The following ZEB2 variants were observed in gnomAD, a reference collection of about 807,000 sequenced individuals.
ZEB2 encodes the protein zinc finger E-box binding homeobox 2.
In ZEB2, 6 loss-of-function variants were observed where a neutral mutation model predicts 99.9. That is an observed-to-expected ratio of 0.06 (90% CI 0.03 to 0.12). The LOEUF (loss-of-function observed/expected upper bound fraction) is 0.12. Ranked by LOEUF, ZEB2 falls within the 10% of genes least tolerant of loss-of-function variation. The pLI, the probability that ZEB2 is intolerant of heterozygous loss-of-function variation, is 1.00. For synonymous variants in ZEB2, 517 were observed against 542.5 expected, an observed-to-expected ratio of 0.95 and a Z score of 0.65; for missense variants, 969 against 1,502.8, an observed-to-expected ratio of 0.64 and a Z score of 5.87.
chr2:144,433,214 A>T (rs1703796393), intron 2 of ZEB2, among the ~76,000 whole-genome samples: 1 of 152,198 alleles, frequency 6.6e-6, no homozygotes, highest in Non-Finnish European at 1.5e-5. Flanking sequence ...TCTGTCTCTG[A>T]GGCATAGCAA....
chr2:144,512,285 C>T (rs1705052702), intron 2 of ZEB2: 10 of 1,287,224 alleles, frequency 7.8e-6, no homozygotes, highest in Non-Finnish European at 1.0e-5. Flanking sequence ...GAAGAAAATG[C>T]ACCTTAAAAG....
chr2:144,424,755 C>G, intron 4 of ZEB2, 41 bp downstream of exon 4: 1 of 1,611,834 alleles, frequency 6.2e-7, no homozygotes, highest in African/African-American at 1.3e-5. Context: ...ACCCACATGA[C>G]ACAGGACAAA....
intron 2 of ZEB2, among the ~76,000 whole-genome samples, chr2:144,452,006 G>C (rs1407374413): frequency 1.3e-5 from 2 of 152,112 alleles, no homozygotes; most frequent in African/African-American, 4.8e-5. Flanking sequence ...AGATGAGGAA[G>C]TTATGAAGAC....
rs373010618 is a variant in ZEB2 at position 144,501,580 on chromosome 2, T to A, written c.73+15698A>T. Among the ~76,000 whole-genome samples the A allele has an allele frequency of 3.3e-5, 5 of 152,312 alleles. No individual in the cohort carries two copies. The East Asian group carries it at 5.8e-4, about 18-fold the overall frequency. On this transcript the variant is annotated intron_variant, in intron 2 of 9. Transcript: ENST00000627532. ...AGAGTAATTTAAAGATAGAATGTTA[T>A]AAGCTGACAGGACAAAGCAGTTAAT...
intron 2 of ZEB2, among the ~76,000 whole-genome samples, chr2:144,444,080 T>C (rs919230109): frequency 6.6e-6 from 1 of 152,206 alleles, no homozygotes; most frequent in African/African-American, 2.4e-5. Flanking sequence ...TTTGGTAGCT[T>C]CATCCAAACT....
rs1703119069 is a variant in ZEB2, at chr2:144,389,032, A to G, written c.*419T>C. 2.4e-6 allele frequency: 1 copy of G among 408,202 alleles called. No homozygotes were observed. The highest frequency in any genetic ancestry group is 2.1e-5 in the African/African-American group (1 of 48,548). 25.3% of individuals were successfully genotyped at this position (408,202 alleles called of 1,614,324 possible). Reference sequence around the variant, plus strand: ...GTGCGAGCACATTAAATTAAAAAGGAATAACAATAATAATAATAAAAATAC... The same window carrying G: ...GTGCGAGCACATTAAATTAAAAAGGGATAACAATAATAATAATAAAAATAC... On this transcript the variant is annotated 3_prime_UTR_variant, in exon 10 of 10. Coordinates refer to ENST00000627532, the MANE Select transcript of ZEB2 (RefSeq NM_014795.4). This position sits in a 1 kb window ranked among gnomAD's most constrained non-coding sequence, Gnocchi z 6.8.
At chr2:144,459,944 A>G (rs1044736067) in intron 2 of ZEB2, among the ~76,000 whole-genome samples, 4 of 152,186 alleles carry the variant, frequency 2.6e-5, no homozygotes, top group African/African-American at 9.6e-5. Context: ...CATCATAGGC[A>G]TGCAACATAC....
chr2:144,428,120 A>G (rs568381346), intron 3 of ZEB2: 13 of 152,330 alleles, frequency 8.5e-5, no homozygotes, highest in African/African-American at 3.1e-4. Context: ...CTAAGGGTGG[A>G]AATTCTAGTA....
At chr2:144,464,573 TA>T (rs1026778032) in intron 2 of ZEB2, among the ~76,000 whole-genome samples, 2 of 152,180 alleles carry the variant, frequency 1.3e-5, no homozygotes, top group African/African-American at 4.8e-5. Flanking sequence ...TGGTTTTTTT[TA>T]ATTTGTTTTA....
chr2:144,478,353 T>G (rs1341260806), intron 2 of ZEB2, among the ~76,000 whole-genome samples: 17 of 152,222 alleles, frequency 1.1e-4, no homozygotes, highest in African/African-American at 4.1e-4. Flanking sequence ...CGATTAAAGT[T>G]TGATGAGTGA....
At chr2:144,476,175 C>T (rs910238389) in intron 2 of ZEB2, among the ~76,000 whole-genome samples, 1 of 151,774 alleles carries the variant, frequency 6.6e-6, no homozygotes, top group African/African-American at 2.4e-5. Flanking sequence ...CGAAATTTAA[C>T]CTGCCTAATT....
intron 1 of ZEB2, 52 bp from the exon 2 acceptor site, chr2:144,517,471 G>C (rs1219680798): frequency 8.5e-6 from 11 of 1,288,594 alleles, no homozygotes; most frequent in Non-Finnish European, 1.1e-5. Context: ...CCATTGAAAC[G>C]CGCGCGGGCC....
intron 2 of ZEB2, among the ~76,000 whole-genome samples, chr2:144,441,000 CCAA>C (rs1327516825): frequency 1.3e-5 from 2 of 149,126 alleles, no homozygotes; most frequent in South Asian, 2.2e-4. Context: ...AACAAACAGT[CCAA>C]CAACAAGTGT....
intron 2 of ZEB2, chr2:144,462,338 C>T (rs1003362780): frequency 2.0e-5 from 3 of 151,978 alleles, no homozygotes; most frequent in African/African-American, 7.3e-5. Context: ...TTTAACATGC[C>T]TGAAAAACAA....
intron 2 of ZEB2, among the ~76,000 whole-genome samples, chr2:144,445,965 C>A (rs1703977626): frequency 6.6e-6 from 1 of 152,154 alleles, no homozygotes; most frequent in Non-Finnish European, 1.5e-5. Context: ...TTTGGCTTTT[C>A]AGTCGCATTT....
At position 144,476,834 on chromosome 2, in the gene ZEB2, T is replaced by C. The variant is rs568732937; in HGVS notation, c.73+40444A>G. Among the ~76,000 whole-genome samples, 6 of 152,318 alleles carry C rather than the reference T, an allele frequency of 3.9e-5. No individual in the cohort carries two copies. The South Asian group carries it at 1.2e-3, about 32-fold the overall frequency. On this transcript the variant is annotated intron_variant, in intron 2 of 9. Coordinates refer to ENST00000627532, the MANE Select transcript of ZEB2 (RefSeq NM_014795.4). ...TGAATGGGCAGGCATGGGGGTTCCA[T>C]GTTTCATGTATCACTTGCTGATTTC...
intron 2 of ZEB2, among the ~76,000 whole-genome samples, chr2:144,454,051 T>C (rs1704088832): frequency 6.6e-6 from 1 of 152,202 alleles, no homozygotes; most frequent in African/African-American, 2.4e-5. Context: ...TCTTCGTCAA[T>C]TACCACAAAT....
rs1265975921 is a variant in ZEB2, at chr2:144,507,590, T to C, written c.73+9688A>G. On this transcript the variant is annotated intron_variant, in intron 2 of 9. Transcript: ENST00000627532. ...TCCCCTTACACTCTTAATGTGTCTG[T>C]GCTGCCTGCTCTTCCAAAGTCTGGT... Among the ~76,000 whole-genome samples the C allele has an allele frequency of 2.0e-5, 3 of 147,706 alleles. No individual in the cohort carries two copies. In the East Asian group the frequency reaches 6.3e-4, roughly 31 times the overall value.
At chr2:144,469,490 ACACCTAGCC>A (rs1364258170) in intron 2 of ZEB2, among the ~76,000 whole-genome samples, 1 of 152,124 alleles carries the variant, frequency 6.6e-6, no homozygotes, top group African/African-American at 2.4e-5. Context: ...ATACAATTCT[ACACCTAGCC>A]CATAACAGGC....
Sources: allele counts gnomAD v4.1 joint callset (sites outside exome capture counted in the v4.1 genomes callset), GRCh38; gene constraint gnomAD v4.1.1; non-coding constraint Gnocchi (gnomAD v3.1); transcripts MANE v1.5; gene names NCBI Gene and HGNC (gene_info 2026-07-23, HGNC 2026-07-21).